ZMYND8: variants seen among roughly 807,000 people sequenced by gnomAD.
The protein encoded by ZMYND8 is MYND-type zinc finger-containing chromatin reader ZMYND8.
Under a neutral mutation model 140.8 loss-of-function variants are expected in ZMYND8, and 37 were observed. That is an observed-to-expected ratio of 0.26 (90% CI 0.20 to 0.35). ZMYND8 has a LOEUF of 0.35. ZMYND8 is among the 10% of genes least tolerant of loss of function. The pLI is 1.00. For missense variants in ZMYND8, 1,068 were observed against 1,570.0 expected (o/e 0.68, Z 5.40); for synonymous variants, 592 against 597.1 (o/e 0.99, Z 0.12).
At chr20:47,255,238 G>C (rs2074503405) in intron 12 of ZMYND8, among the ~76,000 whole-genome samples, 1 of 152,088 alleles carries the variant, frequency 6.6e-6, no homozygotes, top group Non-Finnish European at 1.5e-5. Context: ...CTAAAAACTT[G>C]CAACAGTGGT....
rs533239776 is a variant in ZMYND8 at position 47,228,860 on chromosome 20, T to C, written c.2937+866A>G. ...CATTTCACCTGATAACCCGTTTGCATCTGGCCTACATTGTACCATCCACAG... is the reference window on the plus strand; with the variant it reads ...CATTTCACCTGATAACCCGTTTGCACCTGGCCTACATTGTACCATCCACAG... On this transcript the variant is annotated intron_variant, in intron 17 of 22. Coordinates refer to ENST00000471951, the MANE Select transcript of ZMYND8 (RefSeq NM_001281775.3). Among the ~76,000 whole-genome samples the C allele has an allele frequency of 2.8e-4, 42 of 152,328 alleles. No homozygotes were observed. In the Middle Eastern group the frequency reaches 0.01, roughly 37 times the overall value.
chr20:47,329,729 G>A (rs758556348), intron 2 of ZMYND8, among the ~76,000 whole-genome samples: 1 of 152,112 alleles, frequency 6.6e-6, no homozygotes, highest in Non-Finnish European at 1.5e-5. Flanking sequence ...AAAGAGCCAC[G>A]TACAGCTAGT....
At chr20:47,331,287 G>C (rs151196530) in intron 2 of ZMYND8, among the ~76,000 whole-genome samples, 2 of 152,300 alleles carry the variant, frequency 1.3e-5, no homozygotes, top group South Asian at 2.1e-4. Flanking sequence ...GAACAACTAC[G>C]AGGCCACTGT....
Position 47,298,989 on chromosome 20 carries a change from T to C in ZMYND8, c.235-42A>G, listed in dbSNP as rs1327037063. On this transcript the variant is annotated intron_variant, in intron 3 of 22. Coordinates refer to ENST00000471951, the MANE Select transcript of ZMYND8 (RefSeq NM_001281775.3). This position sits in a 1 kb window ranked among gnomAD's most constrained non-coding sequence, Gnocchi z 5.0. ...AAGACAGGTTTGGTTTCAAAACAAA[T>C]GTGCATTCTCAAAAGGAATTTGAAC... 8 of 1,584,164 alleles carry C rather than the reference T, an allele frequency of 5.0e-6. No homozygotes were observed. Among genetic ancestry groups the C allele is most frequent in the Admixed American group, 1.7e-5 (1 of 59,726 alleles).
chr20:47,264,832 C>T (rs776004034), intron 11 of ZMYND8, among the ~76,000 whole-genome samples: 1 of 151,940 alleles, frequency 6.6e-6, no homozygotes, highest in Non-Finnish European at 1.5e-5. Flanking sequence ...CTCGGAAGTT[C>T]GAGACCAGCC....
chr20:47,276,720 G>A lies in ZMYND8; in HGVS notation c.1074C>T (p.Ile358=), dbSNP rs2076278296. 1.2e-6 allele frequency: 2 copies of A among 1,614,026 alleles called. No individual in the cohort carries two copies. Among genetic ancestry groups the A allele is most frequent in the African/African-American group, 1.3e-5 (1 of 74,986 alleles). ...CCATCTCTTGCATGGCACTGTTGAA[G>A]ATGCTCTTAGTCTTTTTCACAGAAA... ...IPFSVKKTKS[I]FNSAMQEMEV... The change falls in exon 11 of 23, where the codon ATC becomes ATT. Residue 358 remains isoleucine, a synonymous_variant. Coordinates refer to ENST00000471951, the MANE Select transcript of ZMYND8 (RefSeq NM_001281775.3).
intron 21 of ZMYND8, among the ~76,000 whole-genome samples, chr20:47,219,865 A>T (rs536123470): frequency 6.6e-6 from 1 of 152,160 alleles, no homozygotes; most frequent in Admixed American, 6.5e-5. Context: ...TTCATCCACC[A>T]TATGCAGGTG....
chr20:47,230,064 C>T (rs2038250612), intron 16 of ZMYND8, among the ~76,000 whole-genome samples: 1 of 152,052 alleles, frequency 6.6e-6, no homozygotes, highest in South Asian at 2.1e-4. Flanking sequence ...CGGAAGGACC[C>T]CACACAAAAA....
intron 20 of ZMYND8, 150 bp from the exon 21 acceptor site, chr20:47,220,474 C>T (rs1232926818): frequency 5.8e-6 from 4 of 687,554 alleles, no homozygotes; most frequent in Non-Finnish European, 1.0e-5. Flanking sequence ...GAGTGATGGG[C>T]ACAGGGCGGC....
rs527377569 is a variant in ZMYND8, at chr20:47,255,789, G to GTGTA, written c.1622-6351_1622-6350insTACA. On this transcript the variant is annotated intron_variant, in intron 12 of 22. Transcript: ENST00000471951. ...ACGGTATATATATATATTTGTATGT[G>GTGTA]TATATATATATACCGTATATATATA... is the stretch of plus-strand genomic sequence containing the variant. Among the ~76,000 whole-genome samples the GTGTA allele has an allele frequency of 2.6e-3, 280 of 107,886 alleles. 4 individuals carry two copies. The highest frequency in any genetic ancestry group is 8.9e-3 in the African/African-American group (238 of 26,876). 70.8% of individuals were successfully genotyped at this position (107,886 alleles called of 152,430 possible). A position where few individuals can be genotyped will look rare whatever the true frequency, so the allele number is the denominator to read the frequency against.
chr20:47,341,731 C>T (rs530650127), intron 2 of ZMYND8, among the ~76,000 whole-genome samples: 12 of 151,798 alleles, frequency 7.9e-5, no homozygotes, highest in Non-Finnish European at 1.5e-4. Context: ...TGGCCGGGCG[C>T]GGTGGCTCGT....
intron 2 of ZMYND8, among the ~76,000 whole-genome samples, chr20:47,333,275 C>A (rs1490844137): frequency 2.0e-5 from 3 of 152,032 alleles, no homozygotes; most frequent in Non-Finnish European, 4.4e-5. Flanking sequence ...CCCAGCTACA[C>A]CAGAGGATCC....
chr20:47,272,688 A>G (rs1382950438), intron 11 of ZMYND8, among the ~76,000 whole-genome samples: 1 of 152,208 alleles, frequency 6.6e-6, no homozygotes, highest in African/African-American at 2.4e-5. Context: ...ATCCAGTTCT[A>G]AGGATTATAG....
intron 12 of ZMYND8, among the ~76,000 whole-genome samples, chr20:47,259,345 T>G (rs774396252): frequency 3.9e-5 from 6 of 152,160 alleles, no homozygotes; most frequent in Middle Eastern, 3.2e-3. Context: ...CGAAAGCAAC[T>G]GCCCTGACCA....
intron 3 of ZMYND8, among the ~76,000 whole-genome samples, chr20:47,303,907 A>G (rs528327177): frequency 6.6e-6 from 1 of 152,300 alleles, no homozygotes; most frequent in African/African-American, 2.4e-5. Flanking sequence ...TACTCTTTTC[A>G]GAAGATTTTC....
At chr20:47,347,387 G>T (rs983365827) in intron 2 of ZMYND8, among the ~76,000 whole-genome samples, 1 of 152,136 alleles carries the variant, frequency 6.6e-6, no homozygotes, top group Non-Finnish European at 1.5e-5. Context: ...GCAAACACTG[G>T]CCCCGGCATC....
At chr20:47,301,975 C>G (rs979140542) in intron 3 of ZMYND8, among the ~76,000 whole-genome samples, 1 of 142,274 alleles carries the variant, frequency 7.0e-6, no homozygotes, top group East Asian at 2.0e-4. Flanking sequence ...CTCCTCTTTG[C>G]TCTGCACTTC....
intron 3 of ZMYND8, among the ~76,000 whole-genome samples, chr20:47,309,280 T>C (rs2078732575): frequency 6.6e-6 from 1 of 151,984 alleles, no homozygotes; most frequent in Non-Finnish European, 1.5e-5. Flanking sequence ...CCCCTGGCAA[T>C]GCCTCTTACC....
chr20:47,274,825 G>A (rs2076160512), intron 11 of ZMYND8, among the ~76,000 whole-genome samples: 1 of 151,836 alleles, frequency 6.6e-6, no homozygotes, highest in Non-Finnish European at 1.5e-5. Flanking sequence ...AATAACCCAA[G>A]GAAAAGAAAA....
Sources: gnomAD v4.1 joint callset for allele counts (sites outside exome capture counted in the v4.1 genomes callset) on GRCh38, gnomAD v4.1.1 for gene constraint, Gnocchi (gnomAD v3.1) non-coding constraint, MANE v1.5 for transcripts, NCBI Gene and HGNC (gene_info 2026-07-23, HGNC 2026-07-21) for gene names.